Variants in ZDHHC17 observed in about 807,000 individuals in gnomAD.
The protein encoded by ZDHHC17 is palmitoyltransferase ZDHHC17.
Under a neutral mutation model 90.3 loss-of-function variants are expected in ZDHHC17, and 40 were observed. The observed-to-expected ratio is 0.44, with a 90% CI of 0.34 to 0.58. The LOEUF is 0.58. Ranked by LOEUF, ZDHHC17 falls within the 20% of genes least tolerant of loss-of-function variation. The pLI, the probability that ZDHHC17 is intolerant of heterozygous loss-of-function variation, is 0.01. For synonymous variants in ZDHHC17, 235 were observed against 252.4 expected (o/e 0.93, Z 0.65); for missense variants, 614 against 780.8 (o/e 0.79, Z 2.55).
chr12:76,808,837 C>G (rs1032488698), intron 3 of ZDHHC17, among the ~76,000 whole-genome samples: 7 of 146,814 alleles, frequency 4.8e-5, no homozygotes, highest in African/African-American at 1.8e-4. Context: ...AATTATTTTT[C>G]TTTTCCTTAT....
rs528758909 is a variant in ZDHHC17 at position 76,802,951 on chromosome 12, T to C, written c.198-2366T>C. On this transcript the variant is annotated intron_variant, in intron 2 of 16. Coordinates refer to ENST00000426126, the MANE Select transcript of ZDHHC17 (RefSeq NM_015336.4). ...TGTTTTGTTTTTACTTTCAGTACAG[T>C]ATTCAATAAATTACATGAGGCCAGG... 2.6e-5 allele frequency among the ~76,000 whole-genome samples: 4 copies of C among 152,216 alleles called. No individual in the cohort carries two copies. In the South Asian group the frequency reaches 8.3e-4, roughly 32 times the overall value.
chr12:76,777,337 A>G (rs1415443305), intron 1 of ZDHHC17, among the ~76,000 whole-genome samples: 1 of 152,180 alleles, frequency 6.6e-6, no homozygotes, highest in Non-Finnish European at 1.5e-5. Context: ...TTCTCTGGAG[A>G]GTCATCAGGT....
intron 1 of ZDHHC17, among the ~76,000 whole-genome samples, chr12:76,784,903 T>G (rs1209740359): frequency 6.6e-6 from 1 of 152,228 alleles, no homozygotes; most frequent in Non-Finnish European, 1.5e-5. Context: ...TTTTGGATGC[T>G]TAAGGCATTT....
intron 5 of ZDHHC17, among the ~76,000 whole-genome samples, chr12:76,812,002 A>G (rs1317003491): frequency 6.6e-6 from 1 of 152,192 alleles, no homozygotes; most frequent in East Asian, 1.9e-4. Flanking sequence ...TATAAGGTGT[A>G]TATGAAAGAT....
chr12:76,849,849 A>C (rs1953541649), intron 16 of ZDHHC17, among the ~76,000 whole-genome samples: 1 of 152,312 alleles, frequency 6.6e-6, no homozygotes, highest in South Asian at 2.1e-4. Context: ...TTTAAATAAA[A>C]ACAGAGTTAG....
intron 1 of ZDHHC17, among the ~76,000 whole-genome samples, chr12:76,766,197 T>A (rs1382976126): frequency 6.6e-6 from 1 of 152,222 alleles, no homozygotes; most frequent in Non-Finnish European, 1.5e-5. Flanking sequence ...TACTAGAAAG[T>A]CAACCTCCTC....
chr12:76,815,994 C>G lies in ZDHHC17; in HGVS notation c.746C>G (p.Ala249Gly), dbSNP rs755564828. The G allele has an allele frequency of 6.4e-7, 1 of 1,560,108 alleles. No homozygotes were observed. The highest frequency in any genetic ancestry group is 8.7e-7 in the Non-Finnish European group (1 of 1,153,200). The change falls in exon 7 of 17, where the codon GCT becomes GGT. Residue 249 changes from alanine (A) to glycine (G), a missense_variant. By Grantham distance (60) the Ala-to-Gly change is moderately conservative. This residue lies in a region of ZDHHC17 where 358 missense variants were observed against 380.4 expected (regional missense o/e 0.94). Transcript: ENST00000426126. ...TVISLLLEAG[A>G]NVDAQNIKGE... ...ATTAGCCTTCTTCTGGAAGCTGGAG[C>G]TAATGTTGATGCCCAGAATATCAAG...
At chr12:76,839,235 T>C (rs1953403316) in intron 10 of ZDHHC17, among the ~76,000 whole-genome samples, 1 of 152,228 alleles carries the variant, frequency 6.6e-6, no homozygotes, top group South Asian at 2.1e-4. Flanking sequence ...ATTTAGTCCA[T>C]AGCAAAGGGC....
chr12:76,841,465 T>A (rs142545277), intron 10 of ZDHHC17, among the ~76,000 whole-genome samples: 1,685 of 152,298 alleles, frequency 0.011, 11 homozygotes, highest in Non-Finnish European at 0.017. Flanking sequence ...GTATATTTCT[T>A]ACGTTTTTAT....
intron 3 of ZDHHC17, 134 bp from the exon 4 acceptor site, chr12:76,808,909 A>G: frequency 2.2e-6 from 1 of 464,102 alleles, no homozygotes; most frequent in Non-Finnish European, 3.6e-6. Context: ...AACAACCACA[A>G]AAGATTATTT....
chr12:76,839,196 A>T (rs999122001), intron 10 of ZDHHC17, among the ~76,000 whole-genome samples: 3 of 152,206 alleles, frequency 2.0e-5, no homozygotes, highest in African/African-American at 7.2e-5. Context: ...GGTGTTAGGG[A>T]TTCAACATAT....
chr12:76,805,166 T>C (rs1031355528), intron 2 of ZDHHC17, 151 bp from the exon 3 acceptor site: 6 of 738,596 alleles, frequency 8.1e-6, no homozygotes, highest in Non-Finnish European at 6.2e-6. Flanking sequence ...GTTTTTGGAA[T>C]GTTGACATTT....
At chr12:76,848,179 T>G in intron 14 of ZDHHC17, 54 bp from the exon 15 acceptor site, 836 of 1,588,402 alleles carry the variant, frequency 5.3e-4, no homozygotes, top group Non-Finnish European at 6.6e-4. Context: ...AATGCCTATA[T>G]GAGGTGCTTG....
chr12:76,768,374 A>T (rs1952454913), intron 1 of ZDHHC17, among the ~76,000 whole-genome samples: 1 of 152,144 alleles, frequency 6.6e-6, no homozygotes, highest in Non-Finnish European at 1.5e-5. Flanking sequence ...ATTTCTTCAG[A>T]CTCAAGTGTT....
intron 1 of ZDHHC17, among the ~76,000 whole-genome samples, chr12:76,771,769 T>C (rs1450773022): frequency 6.6e-6 from 1 of 152,122 alleles, no homozygotes; most frequent in Admixed American, 6.5e-5. Context: ...TTCTTTGAGT[T>C]GAAGACAGAA....
At chr12:76,835,816 G>GTATC (rs1200525988) in intron 10 of ZDHHC17, among the ~76,000 whole-genome samples, 2 of 151,934 alleles carry the variant, frequency 1.3e-5, no homozygotes, top group Non-Finnish European at 2.9e-5. Flanking sequence ...ACTTTAAAGG[G>GTATC]TATCATCTTT....
chr12:76,830,229 C>T (rs780878789), intron 10 of ZDHHC17, among the ~76,000 whole-genome samples: 1 of 152,090 alleles, frequency 6.6e-6, no homozygotes, highest in Non-Finnish European at 1.5e-5. Flanking sequence ...TGTAACTGTT[C>T]TAAACAATTT....
chr12:76,769,919 TATTTA>T (rs1260656216), intron 1 of ZDHHC17, among the ~76,000 whole-genome samples: 1 of 152,218 alleles, frequency 6.6e-6, no homozygotes, highest in Non-Finnish European at 1.5e-5. Flanking sequence ...TCATTATTTT[TATTTA>T]ATTTGGGAGG....
chr12:76,846,637 T>C lies in ZDHHC17; in HGVS notation c.1465T>C (p.Leu489=). Residue 489 remains leucine, a synonymous_variant, in exon 14 of 17, where the codon TTG becomes CTG. Transcript: ENST00000426126. ...ATATTTTATGGGCTACCTATTCTTC[T>C]TGCTTTTTATGATCTGCTGGATGAT... ...HRYFMGYLFF[L]LFMICWMIYG... The C allele has an allele frequency of 1.2e-6, 2 of 1,612,476 alleles. No individual in the cohort carries two copies. The highest frequency in any genetic ancestry group is 1.7e-6 in the Non-Finnish European group (2 of 1,179,054).
Sources: gnomAD v4.1 joint callset for allele counts (sites outside exome capture counted in the v4.1 genomes callset) on GRCh38, gnomAD v4.1.1 for gene constraint, gnomAD v4.1.1 regional missense constraint, MANE v1.5 for transcripts, NCBI Gene and HGNC (gene_info 2026-07-23, HGNC 2026-07-21) for gene names.